COL26A1: variants seen among roughly 807,000 people sequenced by gnomAD.
COL26A1 encodes collagen alpha-1(XXVI) chain.
A neutral mutation model predicts 59.3 loss-of-function variants in COL26A1; 41 were observed. That is an observed-to-expected ratio of 0.69 (90% CI 0.54 to 0.90). The LOEUF (loss-of-function observed/expected upper bound fraction) is 0.90, where lower values mean the gene tolerates loss of function less well. Ranked by LOEUF, COL26A1 falls within the 40% of genes least tolerant of loss-of-function variation. The probability of loss-of-function intolerance (pLI) is 0.00; values close to 1 mark genes in which losing one functional copy is unlikely to be tolerated. For synonymous variants in COL26A1, 266 were observed against 256.0 expected (o/e 1.04, Z -0.37); for missense variants, 612 against 602.3 (o/e 1.02, Z -0.17).
chr7:101,471,542 A>G (rs1332920434), intron 3 of COL26A1, among the ~76,000 whole-genome samples: 3 of 150,944 alleles, frequency 2.0e-5, no homozygotes, highest in African/African-American at 7.4e-5. Flanking sequence ...AGAGCTAAGA[A>G]TAATGTTTTG....
chr7:101,457,644 CT>C (rs1171497157), intron 3 of COL26A1, among the ~76,000 whole-genome samples: 1 of 152,172 alleles, frequency 6.6e-6, no homozygotes, highest in African/African-American at 2.4e-5. Context: ...CTGTCATAAT[CT>C]TTGCAAAGGC....
intron 9 of COL26A1, 40 bp downstream of exon 9, chr7:101,549,263 C>T (rs765187399): frequency 7.2e-5 from 102 of 1,422,402 alleles, no homozygotes; most frequent in East Asian, 1.7e-4. Flanking sequence ...TGGGAGGCGG[C>T]GGGTGGCGGG....
At chr7:101,553,250 C>T in intron 10 of COL26A1, 76 bp from the exon 11 acceptor site, 2 of 1,358,018 alleles carry the variant, frequency 1.5e-6, no homozygotes, top group Non-Finnish European at 2.1e-6. Context: ...TCCCTGCAGG[C>T]CCCCAGGGAA....
At chr7:101,522,393 G>A (rs1356123423) in intron 3 of COL26A1, among the ~76,000 whole-genome samples, 4 of 152,198 alleles carry the variant, frequency 2.6e-5, no homozygotes, top group African/African-American at 9.7e-5. Flanking sequence ...TGGACACTGG[G>A]TAATTTATAA....
intron 3 of COL26A1, among the ~76,000 whole-genome samples, chr7:101,448,763 A>G (rs148690904): frequency 0.015 from 2,335 of 152,218 alleles, 63 homozygotes; most frequent in African/African-American, 0.054. Flanking sequence ...AAGTGCTGGG[A>G]TTACAGGTGT....
chr7:101,550,673 G>A (rs368566000), intron 9 of COL26A1, among the ~76,000 whole-genome samples: 2 of 152,196 alleles, frequency 1.3e-5, no homozygotes, highest in African/African-American at 4.8e-5. Flanking sequence ...TTGGAGAGAG[G>A]GGGAGTGGGC....
chr7:101,439,971 G>A (rs994769422), intron 2 of COL26A1, among the ~76,000 whole-genome samples: 1 of 152,092 alleles, frequency 6.6e-6, no homozygotes, highest in Admixed American at 6.6e-5. Context: ...GGAGCCTGGT[G>A]TCCTCAACTG....
chr7:101,373,038 G>A (rs1158392302), intron 1 of COL26A1, among the ~76,000 whole-genome samples: 1 of 152,164 alleles, frequency 6.6e-6, no homozygotes, highest in East Asian at 1.9e-4. Flanking sequence ...TTTGGAGTCT[G>A]GATGTGAAGT....
At chr7:101,490,915 C>T (rs917931615) in intron 3 of COL26A1, among the ~76,000 whole-genome samples, 10 of 146,826 alleles carry the variant, frequency 6.8e-5, no homozygotes, top group East Asian at 4.0e-4. Context: ...AGGAGAATTA[C>T]GTGAGGTTGC....
At chr7:101,490,983 CA>C (rs3073351) in intron 3 of COL26A1, among the ~76,000 whole-genome samples, 305 of 108,982 alleles carry the variant, frequency 2.8e-3, no homozygotes, top group South Asian at 6.6e-3. Flanking sequence ...GGCTCTGTCT[CA>C]AAAAAAAAAA....
At chr7:101,455,935 C>T (rs975822176) in intron 3 of COL26A1, among the ~76,000 whole-genome samples, 29 of 151,936 alleles carry the variant, frequency 1.9e-4, no homozygotes, top group Non-Finnish European at 2.1e-4. Flanking sequence ...ATCCGCCTGC[C>T]TCGGCCTCCC....
At chr7:101,441,583 G>T (rs1006022022) in intron 2 of COL26A1, among the ~76,000 whole-genome samples, 1 of 152,194 alleles carries the variant, frequency 6.6e-6, no homozygotes, top group African/African-American at 2.4e-5. Context: ...CTCCCAAAGT[G>T]TTGGGATTAC....
chr7:101,385,248 T>TAC (rs71106514), intron 1 of COL26A1, among the ~76,000 whole-genome samples: 63 of 148,166 alleles, frequency 4.3e-4, no homozygotes, highest in African/African-American at 1.4e-3. Flanking sequence ...TATATATATA[T>TAC]ATACACACAC....
chr7:101,406,222 C>A (rs928087874), intron 1 of COL26A1, among the ~76,000 whole-genome samples: 3 of 152,144 alleles, frequency 2.0e-5, no homozygotes, highest in African/African-American at 4.8e-5. Context: ...TCCTTCCCTG[C>A]GGTGCTTCGA....
chr7:101,434,250 T>G (rs1196386099), intron 2 of COL26A1, among the ~76,000 whole-genome samples: 1 of 134,288 alleles, frequency 7.4e-6, no homozygotes, highest in African/African-American at 2.9e-5. Context: ...CTCCTGTCTC[T>G]CTCTTTCTCT....
chr7:101,456,522 G>C (rs965170625), intron 3 of COL26A1, among the ~76,000 whole-genome samples: 2 of 152,018 alleles, frequency 1.3e-5, no homozygotes, highest in African/African-American at 4.8e-5. Flanking sequence ...AAATTAGCCG[G>C]TCGTGGTGGC....
intron 2 of COL26A1, among the ~76,000 whole-genome samples, chr7:101,422,411 C>T (rs1245601571): frequency 6.9e-6 from 1 of 145,842 alleles, no homozygotes; most frequent in African/African-American, 2.6e-5. Flanking sequence ...TCCTTTTCAG[C>T]AGAGGGTACA....
intron 4 of COL26A1, among the ~76,000 whole-genome samples, chr7:101,539,042 C>T (rs1352699527): frequency 6.6e-6 from 1 of 152,226 alleles, no homozygotes; most frequent in African/African-American, 2.4e-5. Context: ...AGTCCTGGCT[C>T]TCAAGTTGTT....
At position 101,400,351 on chromosome 7, in the gene COL26A1, CTATTTT is replaced by C. The variant is rs1366416651; in HGVS notation, c.159-19624_159-19619del. The stretch of plus-strand genomic sequence containing the variant: ...GTCCACACTGCCTTTCTTTTTTTTC[CTATTTT>C]TTTTTTTTTTTTTTTTTTTTTTGAG... On this transcript the variant is annotated intron_variant, in intron 1 of 12. Coordinates refer to ENST00000313669, the MANE Select transcript of COL26A1 (RefSeq NM_001278563.3). Among the ~76,000 whole-genome samples, 131 of 123,328 alleles carry C rather than the reference CTATTTT, an allele frequency of 1.1e-3. 3 individuals carry two copies. The highest frequency in any genetic ancestry group is 1.9e-3 in the Non-Finnish European group (110 of 59,050). The allele number at this position is 123,328 out of a possible 152,430, so 80.9% of individuals were successfully genotyped here. A position where few individuals can be genotyped will look rare whatever the true frequency, so the allele number is the denominator to read the frequency against.
Sources: gnomAD v4.1 joint callset for allele counts (sites outside exome capture counted in the v4.1 genomes callset) on GRCh38, gnomAD v4.1.1 for gene constraint, MANE v1.5 for transcripts, NCBI Gene and HGNC (gene_info 2026-07-23, HGNC 2026-07-21) for gene names.